The following CHORDC1 variants were observed in gnomAD, a reference collection of about 807,000 sequenced individuals.
The protein encoded by CHORDC1 is cysteine and histidine-rich domain-containing protein 1.
A neutral mutation model predicts 48.3 loss-of-function variants in CHORDC1; 25 were observed. The observed-to-expected ratio is 0.52, with a 90% CI of 0.38 to 0.72. CHORDC1 has a LOEUF of 0.72. Among genes scored for constraint, CHORDC1 ranks in the 30% least tolerant of loss-of-function variants. CHORDC1 has a pLI of 0.00. For missense variants in CHORDC1, 317 were observed against 388.7 expected (o/e 0.82, Z 1.55); for synonymous variants, 128 against 126.4 (o/e 1.01, Z -0.09).
At chr11:90,206,681 G>A in intron 6 of CHORDC1, 1 of 691,520 alleles carries the variant, frequency 1.4e-6, no homozygotes, top group Non-Finnish European at 2.2e-6. Flanking sequence ...AATCTAATAA[G>A]CAATTCTGGA....
intron 6 of CHORDC1, chr11:90,206,592 T>C (rs557292062): frequency 5.6e-6 from 2 of 359,528 alleles, no homozygotes; most frequent in East Asian, 7.2e-5. Context: ...AAGGGATTAA[T>C]ACTCTCAATA....
intron 4 of CHORDC1, chr11:90,212,615 A>G (rs945892068): frequency 2.0e-5 from 3 of 152,098 alleles, no homozygotes; most frequent in Non-Finnish European, 4.4e-5. Flanking sequence ...TAAAAAAAAG[A>G]AAAGTATGTA....
At chr11:90,221,250 CCTTT>C (rs1276244798) in intron 1 of CHORDC1, among the ~76,000 whole-genome samples, 1 of 152,176 alleles carries the variant, frequency 6.6e-6, no homozygotes, top group East Asian at 1.9e-4. Flanking sequence ...TCCTAACCAA[CCTTT>C]CTATTTAGTT....
At chr11:90,222,386 A>C (rs1858193703) in intron 1 of CHORDC1, 1 of 325,328 alleles carries the variant, frequency 3.1e-6, no homozygotes, top group Admixed American at 4.6e-5. Flanking sequence ...GGTTTGTAAC[A>C]GCGGATCGAC....
At chr11:90,215,282 G>A (rs375511777) in intron 2 of CHORDC1, 52 bp from the exon 3 acceptor site, 2 of 1,266,472 alleles carry the variant, frequency 1.6e-6, no homozygotes, top group Admixed American at 2.3e-5. Context: ...TGAGAAACAC[G>A]ACCCACTAAA....
At chr11:90,206,953 T>C (rs1857713849) in intron 6 of CHORDC1, 6 of 365,486 alleles carry the variant, frequency 1.6e-5, no homozygotes, top group Admixed American at 7.5e-5. Context: ...AGTACAGTAT[T>C]AGATGTGTAT....
At chr11:90,209,234 GC>G (rs770459759) in intron 6 of CHORDC1, 14 of 151,990 alleles carry the variant, frequency 9.2e-5, no homozygotes, top group Non-Finnish European at 1.9e-4. Context: ...GTATAAACCT[GC>G]CCCCACCCCA....
In CHORDC1 at chr11:90,223,038, G is replaced by A. The variant is rs72958748; in HGVS notation, c.-84C>T. 0.1 allele frequency: 121,950 copies of A among 1,219,754 alleles called. 7,302 individuals are homozygous for A. The highest frequency in any genetic ancestry group is 0.12 in the Non-Finnish European group (102,091 of 837,862). The allele number at this position is 1,219,754 out of a possible 1,614,324, so 75.6% of individuals were successfully genotyped here. Reference sequence around the variant, plus strand: ...TTGCCACTCCCGTGTCGCTAGCACCGGTCTGACGACTGAGGCGGCTACCGG... The same window carrying A: ...TTGCCACTCCCGTGTCGCTAGCACCAGTCTGACGACTGAGGCGGCTACCGG... On this transcript the variant is annotated 5_prime_UTR_variant, in exon 1 of 11. Transcript: ENST00000320585.
chr11:90,207,859 A>C (rs1394244455), intron 6 of CHORDC1: 2 of 152,042 alleles, frequency 1.3e-5, no homozygotes, highest in Non-Finnish European at 2.9e-5. Context: ...TAGAAACGTA[A>C]ACAAATACAA....
Position 90,222,933 on chromosome 11 carries a change from G to T in CHORDC1, c.22C>A (p.Arg8=), listed in dbSNP as rs764770241. 4 of 1,614,138 alleles carry T rather than the reference G, an allele frequency of 2.5e-6. No individual in the cohort carries two copies. Among genetic ancestry groups the T allele is most frequent in the Admixed American group, 1.7e-5 (1 of 60,032 alleles). MALLCYN[R]GCGQRFDPET... is the part of the protein sequence containing the mutation. The stretch of plus-strand genomic sequence containing the variant: ...GGATCGAAGCGCTGACCGCAGCCCC[G>T]GTTGTAGCACAGCAAGGCCATTTTC... The change falls in exon 1 of 11, where the codon CGG becomes AGG. Residue 8 remains arginine (R), a synonymous_variant. Coordinates refer to ENST00000320585, the MANE Select transcript of CHORDC1 (RefSeq NM_012124.3).
chr11:90,211,087 GA>G, intron 5 of CHORDC1, 127 bp downstream of exon 5: 1 of 572,556 alleles, frequency 1.7e-6, no homozygotes, highest in South Asian at 2.4e-5. Context: ...ACATTTAGAA[GA>G]AAAAGTTTCT....
chr11:90,217,076 T>C (rs940223783), intron 2 of CHORDC1, among the ~76,000 whole-genome samples: 1 of 152,080 alleles, frequency 6.6e-6, no homozygotes, highest in African/African-American at 2.4e-5. Flanking sequence ...ACTAAAAAAA[T>C]GTATGGAGGA....
chr11:90,208,022 T>A (rs1003709033), intron 6 of CHORDC1: 2 of 151,644 alleles, frequency 1.3e-5, no homozygotes, highest in African/African-American at 4.8e-5. Flanking sequence ...CATTTCAGAT[T>A]AGGGATGCTG....
Position 90,210,407 on chromosome 11 carries a change from C to A in CHORDC1, c.492+129G>T, listed in dbSNP as rs780768375. The A allele has an allele frequency of 2.8e-5, 18 of 642,564 alleles. No homozygotes were observed. In the Admixed American group the frequency reaches 5.5e-4, roughly 20 times the overall value. The allele number at this position is 642,564 out of a possible 1,614,324, so 39.8% of individuals were successfully genotyped here. On this transcript the variant is annotated intron_variant, in intron 6 of 10. Coordinates refer to ENST00000320585, the MANE Select transcript of CHORDC1 (RefSeq NM_012124.3). ...AGAGTCTCTTATCCATGATTGTAGC[C>A]CTAGTCCCCAGCATAATGTTCAATA...
At chr11:90,205,321 T>C (rs558232541) in intron 8 of CHORDC1, 139 bp downstream of exon 8, 16 of 626,488 alleles carry the variant, frequency 2.6e-5, no homozygotes, top group African/African-American at 2.1e-4. Context: ...ATTCATTTTA[T>C]TTCGTAGTCA....
At position 90,218,833 on chromosome 11, in the gene CHORDC1, G is replaced by A. The variant is rs182830925; in HGVS notation, c.65-649C>T. On this transcript the variant is annotated intron_variant, in intron 1 of 10. Coordinates refer to ENST00000320585, the MANE Select transcript of CHORDC1 (RefSeq NM_012124.3). Reference sequence around the variant, plus strand: ...CCTCTGCCTGGCGGCAGCCCTGTCTGGAAAGTGAGGAGCACCTCTGCCTGG... The same window carrying A: ...CCTCTGCCTGGCGGCAGCCCTGTCTAGAAAGTGAGGAGCACCTCTGCCTGG... 1.9e-3 allele frequency among the ~76,000 whole-genome samples: 294 copies of A among 152,066 alleles called. 2 individuals are homozygous for A. Among genetic ancestry groups the A allele is most frequent in the African/African-American group, 6.5e-3 (269 of 41,504 alleles).
chr11:90,205,609 C>A (rs775713220), intron 7 of CHORDC1, 44 bp from the exon 8 acceptor site: 1 of 1,162,700 alleles, frequency 8.6e-7, no homozygotes, highest in African/African-American at 1.6e-5. Context: ...AATCTCACAA[C>A]CAATTAAATC....
At chr11:90,220,269 T>G (rs527940504) in intron 1 of CHORDC1, among the ~76,000 whole-genome samples, 25 of 152,220 alleles carry the variant, frequency 1.6e-4, no homozygotes, top group African/African-American at 6.0e-4. Context: ...CCAGTATTGC[T>G]TCCTTAGTAA....
Position 90,200,933 on chromosome 11 carries a change from G to A in CHORDC1, c.*1472C>T, listed in dbSNP as rs1166891547. Among the ~76,000 whole-genome samples, 1 of 152,042 alleles carries A rather than the reference G, an allele frequency of 6.6e-6. No individual in the cohort carries two copies. The highest frequency in any genetic ancestry group is 2.1e-4 in the South Asian group (1 of 4,814). ...ATTTTAAATACATCTCCAGGTATCA[G>A]ATGCTTATGTACTCCATGTGGGTCC... On this transcript the variant is annotated 3_prime_UTR_variant, in exon 11 of 11. Coordinates refer to ENST00000320585, the MANE Select transcript of CHORDC1 (RefSeq NM_012124.3).
Sources: gnomAD v4.1 joint callset for allele counts (sites outside exome capture counted in the v4.1 genomes callset) on GRCh38, gnomAD v4.1.1 for gene constraint, MANE v1.5 for transcripts, NCBI Gene and HGNC (gene_info 2026-07-23, HGNC 2026-07-21) for gene names.